MGAT4C: variants seen among roughly 807,000 people sequenced by gnomAD.
The protein encoded by MGAT4C is alpha-1,3-mannosyl-glycoprotein 4-beta-N-acetylglucosaminyltransferase C.
In MGAT4C, 19 loss-of-function variants were observed where a neutral mutation model predicts 40.1. That is an observed-to-expected ratio of 0.47 (90% CI 0.33 to 0.70). The LOEUF is 0.70. Ranked by LOEUF, MGAT4C falls within the 30% of genes least tolerant of loss-of-function variation. The pLI is 0.02. For missense variants in MGAT4C, 491 were observed against 563.2 expected (o/e 0.87, Z 1.30); for synonymous variants, 181 against 187.1 (o/e 0.97, Z 0.27).
chr12:86,032,941 A>G (rs1245721258), intron 2 of MGAT4C, among the ~76,000 whole-genome samples: 1 of 149,770 alleles, frequency 6.7e-6, no homozygotes, highest in Non-Finnish European at 1.5e-5. Context: ...TGATTTTTGT[A>G]TATGGTGTAA....
At chr12:86,685,618 G>A (rs1950059591) in intron 2 of MGAT4C, among the ~76,000 whole-genome samples, 1 of 152,082 alleles carries the variant, frequency 6.6e-6, no homozygotes, top group African/African-American at 2.4e-5. Flanking sequence ...AAATGACTTT[G>A]GGCAGCATGG....
intron 1 of MGAT4C, among the ~76,000 whole-genome samples, chr12:86,768,116 C>T (rs1229344057): frequency 6.6e-6 from 1 of 152,060 alleles, no homozygotes; most frequent in Non-Finnish European, 1.5e-5. Context: ...ATCTAGAAAA[C>T]CCCATTGTCT....
intron 1 of MGAT4C, among the ~76,000 whole-genome samples, chr12:86,106,477 A>G (rs566152086): frequency 9.4e-4 from 143 of 151,906 alleles, no homozygotes; most frequent in African/African-American, 3.3e-3. Context: ...ATTTTTTTAC[A>G]TTTATTTGGT....
In MGAT4C at chr12:86,116,248, G is replaced by A. The variant is rs1878397903; in HGVS notation, c.-56-66525C>T. 1.3e-5 allele frequency among the ~76,000 whole-genome samples: 2 copies of A among 151,786 alleles called. 1 individual carries two copies. The highest frequency in any genetic ancestry group is 3.9e-4 in the East Asian group (2 of 5,164). On this transcript the variant is annotated intron_variant, in intron 1 of 4. Coordinates refer to ENST00000611864, the MANE Select transcript of MGAT4C (RefSeq NM_001351288.2). ...AAGCAAGCATAGGGGTAGAAGTCGG[G>A]CATAATCTGACTTATGCATTAACGG...
intron 1 of MGAT4C, among the ~76,000 whole-genome samples, chr12:86,116,564 GA>G (rs1878458720): frequency 6.6e-6 from 1 of 152,056 alleles, no homozygotes; most frequent in African/African-American, 2.4e-5. Flanking sequence ...GATTACTGTA[GA>G]AAATTTAATA....
At chr12:86,520,602 T>A (rs537707698) in intron 2 of MGAT4C, among the ~76,000 whole-genome samples, 23 of 152,290 alleles carry the variant, frequency 1.5e-4, no homozygotes, top group South Asian at 1.0e-3. Flanking sequence ...GTAATTGGAT[T>A]ACTAAGTGGA....
chr12:86,590,193 G>T (rs940604935), intron 2 of MGAT4C, among the ~76,000 whole-genome samples: 4 of 151,008 alleles, frequency 2.6e-5, no homozygotes, highest in Admixed American at 1.3e-4. Context: ...CTACAGCCGC[G>T]ATTCTCTAAT....
intron 2 of MGAT4C, among the ~76,000 whole-genome samples, chr12:86,528,888 C>T (rs978636986): frequency 2.0e-5 from 3 of 151,682 alleles, no homozygotes; most frequent in African/African-American, 7.3e-5. Context: ...CATTAATTAA[C>T]ACTAAAAAGC....
At chr12:86,790,120 G>A (rs1215712207) in intron 1 of MGAT4C, among the ~76,000 whole-genome samples, 1 of 152,088 alleles carries the variant, frequency 6.6e-6, no homozygotes, top group African/African-American at 2.4e-5. Flanking sequence ...AAGAAACTGA[G>A]GCACAGGAAT....
intron 3 of MGAT4C, among the ~76,000 whole-genome samples, chr12:86,365,682 G>GCTT (rs1165576929): frequency 7.4e-6 from 1 of 135,794 alleles, no homozygotes; most frequent in Non-Finnish European, 1.6e-5. Flanking sequence ...TTTCCCCACT[G>GCTT]TTTTTTTTTT....
At chr12:86,060,088 A>T (rs527303788) in intron 1 of MGAT4C, among the ~76,000 whole-genome samples, 1 of 152,282 alleles carries the variant, frequency 6.6e-6, no homozygotes, top group East Asian at 1.9e-4. Context: ...TGAAATGAGG[A>T]CTAGAACTTC....
At chr12:86,530,179 A>G (rs945955345) in intron 2 of MGAT4C, among the ~76,000 whole-genome samples, 2 of 151,902 alleles carry the variant, frequency 1.3e-5, no homozygotes, top group Admixed American at 6.6e-5. Flanking sequence ...GTTGTTATGC[A>G]ATCTTCTTTG....
At chr12:86,548,632 G>C (rs1452871337) in intron 2 of MGAT4C, among the ~76,000 whole-genome samples, 1 of 152,152 alleles carries the variant, frequency 6.6e-6, no homozygotes, top group Non-Finnish European at 1.5e-5. Flanking sequence ...TAGTGATTAA[G>C]AGCACAGAGC....
chr12:86,088,670 G>A (rs955251331), intron 1 of MGAT4C, among the ~76,000 whole-genome samples: 3 of 151,750 alleles, frequency 2.0e-5, no homozygotes, highest in Non-Finnish European at 2.9e-5. Flanking sequence ...AAATCAAAAC[G>A]GCAATGGGAT....
intron 2 of MGAT4C, among the ~76,000 whole-genome samples, chr12:86,712,644 T>A (rs955390170): frequency 4.6e-5 from 7 of 152,020 alleles, no homozygotes; most frequent in African/African-American, 1.7e-4. Flanking sequence ...CTAACTTGAG[T>A]TTTTAAAAAT....
In MGAT4C at chr12:86,423,362, T is replaced by C. The variant is rs547528018; in HGVS notation, c.-120+11795A>G. ...TATGGAAGTTGGAGTTTTAATATTA[T>C]GTTAGCATGTAAGTGCTCCATTTAA... is the stretch of plus-strand genomic sequence containing the variant. On this transcript the variant is annotated intron_variant, in intron 3 of 7. Coordinates refer to the MGAT4C transcript ENST00000548651. Among the ~76,000 whole-genome samples the C allele has an allele frequency of 4.6e-5, 7 of 151,874 alleles. No individual in the cohort carries two copies. The South Asian group carries it at 1.5e-3, about 31-fold the overall frequency.
At chr12:86,454,849 C>T (rs1297979085) in intron 2 of MGAT4C, among the ~76,000 whole-genome samples, 1 of 151,938 alleles carries the variant, frequency 6.6e-6, no homozygotes, top group Non-Finnish European at 1.5e-5. Context: ...ATTCAAGGTC[C>T]AAAATTGAGA....
chr12:86,747,234 A>G (rs1184375947), intron 1 of MGAT4C, among the ~76,000 whole-genome samples: 1 of 151,660 alleles, frequency 6.6e-6, no homozygotes, highest in African/African-American at 2.4e-5. Context: ...ATCATTTTCA[A>G]TTCAAACTAT....
At chr12:86,247,234 A>G (rs1372624211) in intron 1 of MGAT4C, among the ~76,000 whole-genome samples, 1 of 152,184 alleles carries the variant, frequency 6.6e-6, no homozygotes, top group Non-Finnish European at 1.5e-5. Flanking sequence ...CATGCATTTT[A>G]TTTATGCTCT....
Sources: gnomAD v4.1 joint callset for allele counts (sites outside exome capture counted in the v4.1 genomes callset) on GRCh38, gnomAD v4.1.1 for gene constraint, MANE v1.5 for transcripts, NCBI Gene and HGNC (gene_info 2026-07-23, HGNC 2026-07-21) for gene names.